Variants in SRPK1 observed in about 807,000 individuals in gnomAD.
SRPK1 encodes the protein SFRS protein kinase 1.
In SRPK1, 52 loss-of-function variants were observed where a neutral mutation model predicts 89.5. The observed-to-expected ratio is 0.58, with a 90% CI of 0.46 to 0.73. SRPK1 has a LOEUF of 0.73. SRPK1 is among the 30% of genes least tolerant of loss of function. The pLI is 0.00. For synonymous variants in SRPK1, 255 were observed against 270.2 expected (o/e 0.94, Z 0.55); for missense variants, 603 against 780.6 (o/e 0.77, Z 2.71).
At chr6:35,914,688 G>A (rs1397920650) in intron 2 of SRPK1, among the ~76,000 whole-genome samples, 8 of 152,032 alleles carry the variant, frequency 5.3e-5, no homozygotes, top group South Asian at 2.1e-4. Context: ...AGTAGCCAAC[G>A]GGACAGGAAT....
chr6:35,912,467 TC>T, intron 2 of SRPK1, among the ~76,000 whole-genome samples: 1 of 152,294 alleles, frequency 6.6e-6, no homozygotes, highest in East Asian at 1.9e-4. Context: ...TAAATTAAGG[TC>T]TGTACATTTT....
Position 35,888,923 on chromosome 6 carries a change from C to T in SRPK1, c.194G>A (p.Gly65Glu). The T allele has an allele frequency of 1.3e-6, 2 of 1,599,930 alleles. No homozygotes were observed. Among genetic ancestry groups the T allele is most frequent in the Non-Finnish European group, 1.7e-6 (2 of 1,167,624 alleles). The change falls in exon 4 of 16, where the codon GGA (glycine) becomes GAA (glutamate). Residue 65 changes from glycine to glutamate, a missense_variant and splice_region_variant. Gly to Glu is a moderately conservative substitution (Grantham distance 98). Coordinates refer to ENST00000373825, the MANE Select transcript of SRPK1 (RefSeq NM_003137.5). ...EQEDPNDYCK[G>E]GYHLVKIGDL... ...TCCAATTTTCACAAGATGATAACCT[C>T]CTGGAAGAAACAGGGGAAATACAAT...
intron 13 of SRPK1, among the ~76,000 whole-genome samples, chr6:35,853,833 A>T (rs1769609429): frequency 1.3e-5 from 2 of 151,894 alleles, no homozygotes; most frequent in Non-Finnish European, 2.9e-5. Context: ...GAAGAAGATA[A>T]TCTCATCCTG....
intron 13 of SRPK1, among the ~76,000 whole-genome samples, chr6:35,843,217 C>T (rs142345204): frequency 6.6e-6 from 1 of 151,830 alleles, no homozygotes; most frequent in Admixed American, 6.6e-5. Context: ...ATCTGCCAAC[C>T]TTGGCCTCCC....
chr6:35,837,170 T>C (rs958355031), intron 15 of SRPK1, among the ~76,000 whole-genome samples: 1 of 152,010 alleles, frequency 6.6e-6, no homozygotes, highest in African/African-American at 2.4e-5. Flanking sequence ...GTTTTTGTGG[T>C]TTTTTTTGTA....
chr6:35,904,538 C>T (rs1440590739), intron 2 of SRPK1, among the ~76,000 whole-genome samples: 4 of 152,154 alleles, frequency 2.6e-5, no homozygotes, highest in East Asian at 3.9e-4. Context: ...CAGTGGCTCA[C>T]GCCTGTAATC....
chr6:35,916,253 T>A (rs1192970463), intron 2 of SRPK1, among the ~76,000 whole-genome samples: 1 of 151,142 alleles, frequency 6.6e-6, no homozygotes, highest in Admixed American at 6.6e-5. Context: ...AATTAATTAA[T>A]TAATTAATTA....
intron 2 of SRPK1, chr6:35,920,147 C>G (rs1249443317): frequency 5.9e-6 from 3 of 506,450 alleles, no homozygotes; most frequent in Non-Finnish European, 1.2e-5. Context: ...TAATGATCTA[C>G]CAGCTCCGGT....
At chr6:35,867,725 G>A (rs949914319) in intron 12 of SRPK1, among the ~76,000 whole-genome samples, 2 of 152,112 alleles carry the variant, frequency 1.3e-5, no homozygotes, top group African/African-American at 4.8e-5. Flanking sequence ...GCTGAGGCAG[G>A]AGAATCACCT....
intron 13 of SRPK1, among the ~76,000 whole-genome samples, chr6:35,852,780 G>A (rs1769582140): frequency 5.9e-5 from 9 of 152,076 alleles, no homozygotes; most frequent in Admixed American, 5.9e-4. Flanking sequence ...GACAGTTATG[G>A]ATAAACCCCT....
At chr6:35,849,980 C>T (rs192989574) in intron 13 of SRPK1, among the ~76,000 whole-genome samples, 28 of 152,192 alleles carry the variant, frequency 1.8e-4, no homozygotes, top group African/African-American at 6.5e-4. Context: ...TACTGCAACA[C>T]TCTCACTTAT....
At chr6:35,910,135 C>T (rs1007657633) in intron 2 of SRPK1, among the ~76,000 whole-genome samples, 4 of 152,136 alleles carry the variant, frequency 2.6e-5, no homozygotes, top group African/African-American at 9.7e-5. Flanking sequence ...AGGCATGCGC[C>T]ACCGCACCCG....
chr6:35,874,404 T>G lies in SRPK1; in HGVS notation c.479-65A>C, dbSNP rs895449513. On this transcript the variant is annotated intron_variant, in intron 6 of 15. Transcript: ENST00000373825. ...AGAACACGGCAAGACAAGCTGTGAA[T>G]TCCACCCTATTAAATGTTATGTATT... 67 of 1,036,070 alleles carry G rather than the reference T, an allele frequency of 6.5e-5. 2 individuals carry two copies. The highest frequency in any genetic ancestry group is 4.7e-4 in the South Asian group (35 of 73,890). The allele number at this position is 1,036,070 out of a possible 1,614,324, so 64.2% of individuals were successfully genotyped here.
chr6:35,873,990 G>A (rs753637932), intron 7 of SRPK1, among the ~76,000 whole-genome samples: 106 of 151,502 alleles, frequency 7.0e-4, no homozygotes, highest in Non-Finnish European at 6.5e-4. Context: ...AAGACACCCG[G>A]CTAACTTTTT....
At position 35,835,248 on chromosome 6, in the gene SRPK1, G is replaced by T; in HGVS notation, c.*56C>A. On this transcript the variant is annotated 3_prime_UTR_variant, in exon 16 of 16. Coordinates refer to ENST00000373825, the MANE Select transcript of SRPK1 (RefSeq NM_003137.5). The stretch of plus-strand genomic sequence containing the variant: ...CTGAAAAGGGAAGAGGAAAATGCTT[G>T]AAGGGGAAGGGCGGAGGGTCAGTGT... 1 of 1,446,890 alleles carries T rather than the reference G, an allele frequency of 6.9e-7. No homozygotes were observed. The highest frequency in any genetic ancestry group is 9.4e-7 in the Non-Finnish European group (1 of 1,068,354). 89.6% of individuals were successfully genotyped at this position (1,446,890 alleles called of 1,614,324 possible). A position where few individuals can be genotyped will look rare whatever the true frequency, so the allele number is the denominator to read the frequency against.
At chr6:35,884,633 A>G (rs1770364958) in intron 6 of SRPK1, among the ~76,000 whole-genome samples, 1 of 152,216 alleles carries the variant, frequency 6.6e-6, no homozygotes, top group Admixed American at 6.5e-5. Context: ...AATGGCTAAG[A>G]ACAAATGGAG....
intron 2 of SRPK1, among the ~76,000 whole-genome samples, chr6:35,894,813 T>C (rs756319973): frequency 6.6e-6 from 1 of 152,108 alleles, no homozygotes; most frequent in Admixed American, 6.6e-5. Flanking sequence ...TGGACCAACA[T>C]TGAAACTTAT....
intron 6 of SRPK1, among the ~76,000 whole-genome samples, chr6:35,880,939 A>C (rs966775487): frequency 5.3e-5 from 8 of 151,980 alleles, no homozygotes; most frequent in Non-Finnish European, 8.8e-5. Context: ...GGAATCTTGA[A>C]AGCATCAAGA....
intron 12 of SRPK1, among the ~76,000 whole-genome samples, chr6:35,864,346 GAA>G (rs57546346): frequency 6.1e-5 from 9 of 147,074 alleles, no homozygotes; most frequent in Non-Finnish European, 1.1e-4. Flanking sequence ...AACTCTATAG[GAA>G]AAAAAAAAAA....
Sources: allele counts gnomAD v4.1 joint callset (sites outside exome capture counted in the v4.1 genomes callset), GRCh38; gene constraint gnomAD v4.1.1; transcripts MANE v1.5; gene names NCBI Gene and HGNC (gene_info 2026-07-23, HGNC 2026-07-21).